Variants in PARD3 observed in about 807,000 individuals in gnomAD.
PARD3 encodes the protein partitioning defective 3 homolog.
Under a neutral mutation model 155.4 loss-of-function variants are expected in PARD3, and 75 were observed. The observed-to-expected ratio is 0.48, with a 90% CI of 0.40 to 0.58. The LOEUF (loss-of-function observed/expected upper bound fraction) is 0.58. Ranked by LOEUF, PARD3 falls within the 20% of genes least tolerant of loss-of-function variation. The pLI is 0.00. For missense variants in PARD3, 1,642 were observed against 1,721.7 expected (o/e 0.95, Z 0.82); for synonymous variants, 576 against 610.5 (o/e 0.94, Z 0.83).
chr10:34,812,918 C>CCA (rs1844381331), intron 1 of PARD3, among the ~76,000 whole-genome samples: 2 of 152,166 alleles, frequency 1.3e-5, no homozygotes, highest in African/African-American at 4.8e-5. Flanking sequence ...GGACCAGGTC[C>CCA]GTGACCAAGG....
chr10:34,442,475 G>A (rs1370110670), intron 5 of PARD3, among the ~76,000 whole-genome samples: 1 of 152,210 alleles, frequency 6.6e-6, no homozygotes, highest in Non-Finnish European at 1.5e-5. Flanking sequence ...GGGAGCCCCG[G>A]TGGCTCAGGC....
intron 22 of PARD3, among the ~76,000 whole-genome samples, chr10:34,149,600 A>G (rs1451459301): frequency 6.6e-6 from 1 of 152,202 alleles, no homozygotes; most frequent in Non-Finnish European, 1.5e-5. Context: ...ATACAGCACA[A>G]TTTAATGCCA....
chr10:34,706,832 GTGT>G (rs980435378), intron 1 of PARD3, among the ~76,000 whole-genome samples: 1 of 152,096 alleles, frequency 6.6e-6, no homozygotes, highest in African/African-American at 2.4e-5. Flanking sequence ...AAAGGGCCAG[GTGT>G]TGTGGCTCAC....
intron 5 of PARD3, among the ~76,000 whole-genome samples, chr10:34,447,780 G>A (rs537411427): frequency 1.6e-4 from 24 of 147,776 alleles, no homozygotes; most frequent in Non-Finnish European, 2.5e-4. Flanking sequence ...ACTCCAGCTT[G>A]AGCGACACAG....
Position 34,528,254 on chromosome 10 carries a change from GT to G in PARD3, c.223-11096del. ...TAATGGACTTAGTCAAGCACAAAGA[GT>G]TTAAAAATTTTAAGTTTTAAAGAAA... On this transcript the variant is annotated intron_variant, in intron 2 of 24. Coordinates refer to ENST00000374788, the MANE Select transcript of PARD3 (RefSeq NM_001184785.2). Among the ~76,000 whole-genome samples the G allele has an allele frequency of 2.0e-5, 3 of 152,300 alleles. No homozygotes were observed. In the South Asian group the frequency reaches 6.2e-4, roughly 32 times the overall value.
intron 22 of PARD3, among the ~76,000 whole-genome samples, chr10:34,205,535 G>A (rs1040385485): frequency 2.0e-5 from 3 of 152,148 alleles, no homozygotes; most frequent in African/African-American, 4.8e-5. Flanking sequence ...TCCTGTATGA[G>A]TGCGGTAAGG....
intron 5 of PARD3, among the ~76,000 whole-genome samples, chr10:34,405,949 G>GA (rs1844422457): frequency 6.6e-6 from 1 of 152,098 alleles, no homozygotes; most frequent in Non-Finnish European, 1.5e-5. Flanking sequence ...AAACATCCTT[G>GA]AAAAGATTGT....
At chr10:34,553,161 C>T (rs1212940137) in intron 2 of PARD3, among the ~76,000 whole-genome samples, 1 of 152,182 alleles carries the variant, frequency 6.6e-6, no homozygotes. Context: ...ATAGTCTCCT[C>T]CATGGTCAGC....
At chr10:34,173,102 C>T (rs1249312736) in intron 22 of PARD3, among the ~76,000 whole-genome samples, 1 of 152,202 alleles carries the variant, frequency 6.6e-6, no homozygotes, top group Non-Finnish European at 1.5e-5. Context: ...AGCCCTATTG[C>T]AGGCATTAAT....
chr10:34,738,246 A>T (rs897978981), intron 1 of PARD3, among the ~76,000 whole-genome samples: 8 of 152,228 alleles, frequency 5.3e-5, no homozygotes, highest in Admixed American at 3.9e-4. Context: ...ACTTCTAATA[A>T]GATAGCTGGA....
At chr10:34,769,558 C>A (rs1303074893) in intron 1 of PARD3, among the ~76,000 whole-genome samples, 1 of 151,828 alleles carries the variant, frequency 6.6e-6, no homozygotes, top group African/African-American at 2.4e-5. Flanking sequence ...GAGTCCGACA[C>A]CAGCTTGGGC....
chr10:34,252,692 G>A (rs958481660), intron 22 of PARD3, among the ~76,000 whole-genome samples: 4 of 151,918 alleles, frequency 2.6e-5, no homozygotes, highest in African/African-American at 9.7e-5. Flanking sequence ...CAACTTCTGT[G>A]AATATATATG....
intron 2 of PARD3, among the ~76,000 whole-genome samples, chr10:34,558,604 C>CA (rs1280235754): frequency 1.3e-5 from 2 of 152,134 alleles, no homozygotes; most frequent in African/African-American, 4.8e-5. Context: ...AAAATGTACA[C>CA]ATTTACCTTT....
intron 20 of PARD3, among the ~76,000 whole-genome samples, chr10:34,311,941 C>T (rs2134092078): frequency 6.6e-6 from 1 of 152,246 alleles, no homozygotes; most frequent in South Asian, 2.1e-4. Context: ...TGCCTGTGTC[C>T]CAAAGTCACT....
chr10:34,165,465 T>C (rs940717173), intron 22 of PARD3, among the ~76,000 whole-genome samples: 1 of 152,214 alleles, frequency 6.6e-6, no homozygotes, highest in Admixed American at 6.5e-5. Context: ...TTTTCCTCAA[T>C]GTCTAGCATT....
At chr10:34,500,844 G>A (rs1371924794) in intron 3 of PARD3, among the ~76,000 whole-genome samples, 1 of 152,158 alleles carries the variant, frequency 6.6e-6, no homozygotes, top group Non-Finnish European at 1.5e-5. Flanking sequence ...CAGAAGGAAA[G>A]AGGAGAGCTT....
intron 20 of PARD3, among the ~76,000 whole-genome samples, chr10:34,301,429 CTT>C (rs1957140145): frequency 6.6e-6 from 1 of 152,182 alleles, no homozygotes; most frequent in Admixed American, 6.5e-5. Flanking sequence ...GCAGTGGCCT[CTT>C]CTCAGTTACC....
intron 14 of PARD3, among the ~76,000 whole-genome samples, chr10:34,353,690 A>T (rs1330994410): frequency 6.7e-6 from 1 of 149,310 alleles, no homozygotes; most frequent in Non-Finnish European, 1.5e-5. Flanking sequence ...CCCCTCTCCG[A>T]GAAACACCCA....
At chr10:34,797,209 G>A (rs1326329958) in intron 1 of PARD3, among the ~76,000 whole-genome samples, 1 of 152,126 alleles carries the variant, frequency 6.6e-6, no homozygotes, top group Non-Finnish European at 1.5e-5. Context: ...GCAGTGCAGG[G>A]GCACAACCAT....
Sources: gnomAD v4.1 joint callset for allele counts (sites outside exome capture counted in the v4.1 genomes callset) on GRCh38, gnomAD v4.1.1 for gene constraint, MANE v1.5 for transcripts, NCBI Gene and HGNC (gene_info 2026-07-23, HGNC 2026-07-21) for gene names.